PPP1R16B: variants seen among roughly 807,000 people sequenced by gnomAD.
PPP1R16B encodes the protein protein phosphatase 1 regulatory inhibitor subunit 16B.
PPP1R16B carries 14 observed loss-of-function variants against 61.7 expected under a neutral mutation model. That is an observed-to-expected ratio of 0.23 (90% CI 0.15 to 0.35). PPP1R16B has a LOEUF of 0.35. PPP1R16B is among the 10% of genes least tolerant of loss of function. The pLI is 1.00. For synonymous variants in PPP1R16B, 266 were observed against 305.3 expected (o/e 0.87, Z 1.34); for missense variants, 547 against 752.5 (o/e 0.73, Z 3.19).
At chr20:38,861,373 G>A (rs1405063261) in intron 2 of PPP1R16B, among the ~76,000 whole-genome samples, 1 of 152,220 alleles carries the variant, frequency 6.6e-6, no homozygotes, top group Non-Finnish European at 1.5e-5. Context: ...ACTGAGGGAG[G>A]TAGATTTGAT....
rs2085597334 is a variant in PPP1R16B at position 38,921,458 on chromosome 20, A to G, written c.*2792A>G. 1 of 152,246 alleles carries G rather than the reference A, an allele frequency of 6.6e-6. No homozygotes were observed. Among genetic ancestry groups the G allele is most frequent in the African/African-American group, 2.4e-5 (1 of 41,466 alleles). The allele number at this position is 152,246 out of a possible 1,614,324, so 9.4% of individuals were successfully genotyped here. A position where few individuals can be genotyped will look rare whatever the true frequency, so the allele number is the denominator to read the frequency against. ...CCACAGGCATCAGCAGTCCCATTCA[A>G]GTCACCTGAGGCAAAGTGTCTGCAT... On this transcript the variant is annotated 3_prime_UTR_variant, in exon 11 of 11. Transcript: ENST00000299824.
chr20:38,918,445 C>T lies in PPP1R16B; in HGVS notation c.1483C>T (p.His495Tyr). ...RQRAAAKLLSHPFLSTHLGSS... is the reference protein window; with the variant it reads ...RQRAAAKLLSYPFLSTHLGSS... ...GCGGGCTGCAGCCAAGCTGCTCAGC[C>T]ACCCCTTCCTTAGCACACACCTGGG... Residue 495 changes from histidine to tyrosine, a missense_variant, in exon 11 of 11, where the codon CAC becomes TAC. Physicochemically the swap from His to Tyr is moderately conservative, Grantham distance 83. Coordinates refer to ENST00000299824, the MANE Select transcript of PPP1R16B (RefSeq NM_015568.4). This position sits in a 1 kb window ranked among gnomAD's most constrained non-coding sequence, Gnocchi z 5.3. 5 of 1,614,184 alleles carry T rather than the reference C, an allele frequency of 3.1e-6. No individual in the cohort carries two copies. The highest frequency in any genetic ancestry group is 4.2e-6 in the Non-Finnish European group (5 of 1,180,042).
chr20:38,899,922 G>A (rs574931823), intron 4 of PPP1R16B, among the ~76,000 whole-genome samples: 287 of 151,880 alleles, frequency 1.9e-3, no homozygotes, highest in African/African-American at 6.4e-3. Context: ...TCAGCCTCCC[G>A]AATAGCTGGG....
chr20:38,879,928 G>T (rs1416648066), intron 2 of PPP1R16B, among the ~76,000 whole-genome samples: 1 of 152,210 alleles, frequency 6.6e-6, no homozygotes, highest in Non-Finnish European at 1.5e-5. Flanking sequence ...TCAAGCCAAA[G>T]GGTGAAGATT....
Position 38,806,212 on chromosome 20 carries a change from GC to G in PPP1R16B, c.-102+421del, listed in dbSNP as rs960044016. Among the ~76,000 whole-genome samples the G allele has an allele frequency of 4.0e-5, 6 of 151,042 alleles. No homozygotes were observed. The highest frequency in any genetic ancestry group is 1.5e-4 in the African/African-American group (6 of 40,836). ...AGCGGACACCAAACAACCCCCCCCC[GC>G]GCACTCTCCCGGCCGGGCATGGTGG... On this transcript the variant is annotated intron_variant, in intron 1 of 10. Coordinates refer to ENST00000299824, the MANE Select transcript of PPP1R16B (RefSeq NM_015568.4). This position sits in a 1 kb window ranked among gnomAD's most constrained non-coding sequence, Gnocchi z 4.5.
chr20:38,836,582 T>A (rs879405520), intron 2 of PPP1R16B, among the ~76,000 whole-genome samples: 3 of 152,212 alleles, frequency 2.0e-5, no homozygotes, highest in Non-Finnish European at 4.4e-5. Context: ...GGTCTCGAAT[T>A]CCTGAGCTCA....
At chr20:38,836,201 C>A in intron 2 of PPP1R16B, 26 bp downstream of exon 2, 1 of 1,593,286 alleles carries the variant, frequency 6.3e-7, no homozygotes, top group Non-Finnish European at 8.5e-7. Flanking sequence ...CCTTGGCGGC[C>A]ACGCAGCTGC....
At chr20:38,880,264 G>A (rs990655531) in intron 2 of PPP1R16B, among the ~76,000 whole-genome samples, 1 of 150,816 alleles carries the variant, frequency 6.6e-6, no homozygotes, top group Non-Finnish European at 1.5e-5. Context: ...ATATGAGAAG[G>A]GTGCCTGGCC....
chr20:38,819,969 A>T (rs2084762501), intron 1 of PPP1R16B, among the ~76,000 whole-genome samples: 1 of 151,992 alleles, frequency 6.6e-6, no homozygotes, highest in Non-Finnish European at 1.5e-5. Flanking sequence ...CACTCCCTAC[A>T]CCCTGAAACC....
chr20:38,898,931 G>A (rs2085370519), intron 4 of PPP1R16B, among the ~76,000 whole-genome samples: 1 of 152,162 alleles, frequency 6.6e-6, no homozygotes, highest in African/African-American at 2.4e-5. Flanking sequence ...CCAGAGCTGG[G>A]CACTGGGCAC....
chr20:38,860,065 C>T (rs1284725048), intron 2 of PPP1R16B, among the ~76,000 whole-genome samples: 1 of 152,348 alleles, frequency 6.6e-6, no homozygotes, highest in East Asian at 1.9e-4. Flanking sequence ...CCTCCACCTT[C>T]CGAGTTCAAG....
chr20:38,909,386 C>T (rs551049843), intron 10 of PPP1R16B, among the ~76,000 whole-genome samples: 2 of 152,312 alleles, frequency 1.3e-5, no homozygotes, highest in East Asian at 3.9e-4. Flanking sequence ...ATTTATTACA[C>T]CTGCAAATAC....
At chr20:38,816,288 T>C (rs1601231404) in intron 1 of PPP1R16B, among the ~76,000 whole-genome samples, 1 of 152,080 alleles carries the variant, frequency 6.6e-6, no homozygotes, top group Non-Finnish European at 1.5e-5. Context: ...GGCAGATCTG[T>C]ACGTTGGTCC....
At chr20:38,850,849 T>A (rs992323984) in intron 2 of PPP1R16B, among the ~76,000 whole-genome samples, 1 of 151,498 alleles carries the variant, frequency 6.6e-6, no homozygotes, top group African/African-American at 2.4e-5. Flanking sequence ...GCACCTGTAG[T>A]CCCAGGTACT....
intron 10 of PPP1R16B, among the ~76,000 whole-genome samples, chr20:38,917,904 T>C (rs1044759980): frequency 6.6e-6 from 1 of 152,158 alleles, no homozygotes; most frequent in Non-Finnish European, 1.5e-5. Context: ...CCTGGGCCAA[T>C]CCCTGTAGTG....
At chr20:38,852,421 T>A (rs890704929) in intron 2 of PPP1R16B, among the ~76,000 whole-genome samples, 4 of 152,210 alleles carry the variant, frequency 2.6e-5, no homozygotes, top group Non-Finnish European at 5.9e-5. Flanking sequence ...TTGGATAGTA[T>A]GAGACTGCTC....
intron 3 of PPP1R16B, among the ~76,000 whole-genome samples, chr20:38,889,881 C>T (rs534198878): frequency 2.0e-5 from 3 of 152,346 alleles, no homozygotes; most frequent in South Asian, 2.1e-4. Flanking sequence ...CCCGCAGACG[C>T]GACTGCACAT....
chr20:38,884,035 T>G (rs2085223409), intron 2 of PPP1R16B, among the ~76,000 whole-genome samples: 2 of 152,054 alleles, frequency 1.3e-5, no homozygotes, highest in South Asian at 4.1e-4. Context: ...CTGCCCTGAG[T>G]GTGGGCAACT....
rs2085591754 is a variant in PPP1R16B, at chr20:38,920,974, T to G, written c.*2308T>G. 6.6e-6 allele frequency: 1 copy of G among 152,100 alleles called. No homozygotes were observed. 9.4% of individuals were successfully genotyped at this position (152,100 alleles called of 1,614,324 possible). On this transcript the variant is annotated 3_prime_UTR_variant, in exon 11 of 11. Coordinates refer to ENST00000299824, the MANE Select transcript of PPP1R16B (RefSeq NM_015568.4). ...CCGCGTGCTCCTCAGGAGAGAGCTGTTTAGGTTTTCCGATCTTTTTGCTCA... is the reference window on the plus strand; with the variant it reads ...CCGCGTGCTCCTCAGGAGAGAGCTGGTTAGGTTTTCCGATCTTTTTGCTCA...
Sources: allele counts gnomAD v4.1 joint callset (sites outside exome capture counted in the v4.1 genomes callset), GRCh38; gene constraint gnomAD v4.1.1; non-coding constraint Gnocchi (gnomAD v3.1); transcripts MANE v1.5; gene names NCBI Gene and HGNC (gene_info 2026-07-23, HGNC 2026-07-21).